The following FRYL variants were observed in gnomAD, a reference collection of about 807,000 sequenced individuals.
FRYL encodes FRY like transcription coactivator, also known as protein furry homolog-like.
A neutral mutation model predicts 351.2 loss-of-function variants in FRYL; 150 were observed. The observed-to-expected ratio is 0.43, with a 90% confidence interval of 0.37 to 0.49. The LOEUF (loss-of-function observed/expected upper bound fraction) is 0.49. Among genes scored for constraint, FRYL ranks in the 20% least tolerant of loss-of-function variants. FRYL has a pLI of 0.00. For missense variants in FRYL, 3,036 were observed against 3,619.3 expected, an observed-to-expected ratio of 0.84 and a Z score of 4.13; for synonymous variants, 1,153 against 1,257.1, an observed-to-expected ratio of 0.92 and a Z score of 1.75.
intron 1 of FRYL, among the ~76,000 whole-genome samples, chr4:48,750,219 G>C (rs1305537554): frequency 6.6e-6 from 1 of 151,830 alleles, no homozygotes; most frequent in African/African-American, 2.4e-5. Context: ...CTAGCACTCT[G>C]GGAGGCCGAG....
intron 1 of FRYL, among the ~76,000 whole-genome samples, chr4:48,754,893 T>C (rs1773621944): frequency 6.6e-6 from 1 of 152,088 alleles, no homozygotes; most frequent in South Asian, 2.1e-4. Context: ...CCACCCGCCT[T>C]GGCCTCCAAA....
At chr4:48,528,534 AAAT>A (rs905416646) in intron 50 of FRYL, among the ~76,000 whole-genome samples, 198 bp from the exon 51 acceptor site, 6 of 152,184 alleles carry the variant, frequency 3.9e-5, no homozygotes, top group Admixed American at 2.6e-4. Context: ...ACTTTATTGG[AAAT>A]AATAATTTTA....
chr4:48,766,748 CTTT>C lies in FRYL; in HGVS notation c.-384+13327_-384+13329del, dbSNP rs1438675828. ...AGGAAGTCAGAACAAAGGCTTCATTCTTTTTTCTTTTTTTGTAAAGGCATTCAT... is the reference window on the plus strand; with the variant it reads ...AGGAAGTCAGAACAAAGGCTTCATTCTTTCTTTTTTTGTAAAGGCATTCAT... On this transcript the variant is annotated intron_variant, in intron 1 of 63. Coordinates refer to ENST00000358350, the MANE Select transcript of FRYL (RefSeq NM_015030.2). 3.3e-5 allele frequency among the ~76,000 whole-genome samples: 5 copies of C among 152,150 alleles called. No individual in the cohort carries two copies. In the East Asian group the frequency reaches 9.6e-4, roughly 29 times the overall value.
At chr4:48,586,975 C>T (rs551781415) in intron 18 of FRYL, among the ~76,000 whole-genome samples, 26 of 151,796 alleles carry the variant, frequency 1.7e-4, no homozygotes, top group African/African-American at 5.3e-4. Context: ...AGCATTACAA[C>T]CATTATTACA....
chr4:48,753,292 A>T (rs750935255), intron 1 of FRYL, among the ~76,000 whole-genome samples: 5 of 152,230 alleles, frequency 3.3e-5, no homozygotes, highest in Non-Finnish European at 2.9e-5. Flanking sequence ...TACAGAAGTC[A>T]TGTTTACAAG....
intron 5 of FRYL, 105 bp downstream of exon 5, chr4:48,623,019 GAT>G: frequency 1.5e-6 from 1 of 680,320 alleles, no homozygotes. Flanking sequence ...AGCATACAAG[GAT>G]ATATAGAAAT....
At chr4:48,681,244 A>G (rs1443498056) in intron 3 of FRYL, 6 of 325,338 alleles carry the variant, frequency 1.8e-5, no homozygotes, top group Non-Finnish European at 1.5e-5. Flanking sequence ...CGTCATATGA[A>G]TTTAGGCGGT....
chr4:48,574,238 GCTGAC>G (rs1289920408), intron 25 of FRYL, among the ~76,000 whole-genome samples: 4 of 152,114 alleles, frequency 2.6e-5, no homozygotes, highest in Admixed American at 2.6e-4. Context: ...ATCGAAAACT[GCTGAC>G]CTTTAAAAGT....
intron 40 of FRYL, 43 bp from the exon 41 acceptor site, chr4:48,547,812 A>C: frequency 7.8e-7 from 1 of 1,283,206 alleles, no homozygotes; most frequent in Non-Finnish European, 1.0e-6. Flanking sequence ...AAGAGAAATA[A>C]TGAGTATTCT....
intron 1 of FRYL, among the ~76,000 whole-genome samples, chr4:48,756,875 G>A (rs1449765781): frequency 1.3e-5 from 2 of 152,204 alleles, no homozygotes; most frequent in Non-Finnish European, 2.9e-5. Context: ...TCAAGCCCAG[G>A]AGGTTGAGGC....
At chr4:48,737,508 C>G (rs1170568971) in intron 1 of FRYL, among the ~76,000 whole-genome samples, 2 of 152,044 alleles carry the variant, frequency 1.3e-5, no homozygotes, top group East Asian at 3.8e-4. Context: ...AGAGAAAGCA[C>G]CAGGTCCAGA....
intron 3 of FRYL, among the ~76,000 whole-genome samples, chr4:48,669,712 T>C (rs1762344093): frequency 6.6e-6 from 1 of 151,094 alleles, no homozygotes; most frequent in Middle Eastern, 3.5e-3. Context: ...TAAACATATA[T>C]TTAATACATA....
At chr4:48,703,836 T>G (rs1217786475) in intron 2 of FRYL, among the ~76,000 whole-genome samples, 6 of 152,286 alleles carry the variant, frequency 3.9e-5, no homozygotes, top group Admixed American at 3.9e-4. Context: ...TAGCCTGTAC[T>G]TGAAACCCGA....
At chr4:48,758,350 C>G (rs1012109166) in intron 1 of FRYL, among the ~76,000 whole-genome samples, 2 of 152,140 alleles carry the variant, frequency 1.3e-5, no homozygotes, top group African/African-American at 4.8e-5. Flanking sequence ...GGGCTAATAT[C>G]CAGAATCTAC....
chr4:48,542,160 G>A (rs1730321048), intron 44 of FRYL, 39 bp from the exon 45 acceptor site: 6 of 1,419,178 alleles, frequency 4.2e-6, no homozygotes, highest in Non-Finnish European at 5.0e-6. Context: ...ATTATGCTCT[G>A]GAATAAAGAA....
rs755794580 is a variant in FRYL, at chr4:48,576,072, C to T, written c.2679G>A (p.Thr893=). Residue 893 remains threonine, a synonymous_variant, in exon 24 of 64, where the codon ACG becomes ACA. Coordinates refer to ENST00000358350, the MANE Select transcript of FRYL (RefSeq NM_015030.2). ...AGCCGCTATCTGGGGTAGACGCCAG[C>T]GTCTCAGGAGGAGAACATCTCACAG... The part of the protein sequence containing the change: ...AGSVRCSPPE[T]LASTPDSGYS... 7.4e-6 allele frequency: 12 copies of T among 1,612,982 alleles called. No homozygotes were observed. In the African/African-American group the frequency reaches 8.0e-5, roughly 11 times the overall value.
chr4:48,535,103 T>C (rs1283152826), intron 48 of FRYL, among the ~76,000 whole-genome samples: 9 of 152,190 alleles, frequency 5.9e-5, no homozygotes, highest in Admixed American at 2.6e-4. Flanking sequence ...AGGGCTACTT[T>C]ATCATCCATT....
At chr4:48,564,300 G>A (rs1736228650) in intron 30 of FRYL, among the ~76,000 whole-genome samples, 198 bp from the exon 31 acceptor site, 1 of 152,098 alleles carries the variant, frequency 6.6e-6, no homozygotes, top group Non-Finnish European at 1.5e-5. Context: ...TTGGCCTCTC[G>A]CTTTTTACGC....
At chr4:48,772,645 C>T (rs1455370351) in intron 1 of FRYL, among the ~76,000 whole-genome samples, 1 of 116,328 alleles carries the variant, frequency 8.6e-6, no homozygotes, top group African/African-American at 3.2e-5. Context: ...AATTAAATCA[C>T]ATCTGAAGCT....
Sources: gnomAD v4.1 joint callset for allele counts (sites outside exome capture counted in the v4.1 genomes callset) on GRCh38, gnomAD v4.1.1 for gene constraint, MANE v1.5 for transcripts, NCBI Gene and HGNC (gene_info 2026-07-23, HGNC 2026-07-21) for gene names.